ANXA13: variants seen among roughly 807,000 people sequenced by gnomAD.
The protein encoded by ANXA13 is annexin A13.
Under a neutral mutation model 46.6 loss-of-function variants are expected in ANXA13, and 36 were observed. The observed-to-expected ratio is 0.77, with a 90% CI of 0.59 to 1.02. ANXA13 has a LOEUF of 1.02. ANXA13 is among the 50% of genes least tolerant of loss of function. The pLI, the probability that ANXA13 is intolerant of heterozygous loss-of-function variation, is 0.00. For synonymous variants in ANXA13, 163 were observed against 152.9 expected (o/e 1.07, Z -0.49); for missense variants, 417 against 396.5 (o/e 1.05, Z -0.44).
chr8:123,704,125 C>G (rs1314879289), intron 2 of ANXA13, among the ~76,000 whole-genome samples: 1 of 152,084 alleles, frequency 6.6e-6, no homozygotes, highest in African/African-American at 2.4e-5. Flanking sequence ...CGTGGGAAAC[C>G]CGGGACACCA....
chr8:123,730,533 C>G (rs1298605118), intron 1 of ANXA13, among the ~76,000 whole-genome samples: 3 of 152,136 alleles, frequency 2.0e-5, no homozygotes, highest in African/African-American at 7.2e-5. Flanking sequence ...GTATCACCCC[C>G]ACCCCCTCAC....
At chr8:123,703,708 T>A (rs1041471920) in intron 2 of ANXA13, among the ~76,000 whole-genome samples, 2 of 152,174 alleles carry the variant, frequency 1.3e-5, no homozygotes, top group African/African-American at 2.4e-5. Flanking sequence ...TAACTCCTAT[T>A]ACCTTTAGAT....
chr8:123,707,220 G>A (rs1813555470), intron 2 of ANXA13, among the ~76,000 whole-genome samples: 1 of 152,204 alleles, frequency 6.6e-6, no homozygotes, highest in Admixed American at 6.5e-5. Flanking sequence ...ATGGATGAAT[G>A]AGGAAGTTTG....
chr8:123,707,671 A>C (rs1249584521), intron 2 of ANXA13, among the ~76,000 whole-genome samples: 1 of 152,116 alleles, frequency 6.6e-6, no homozygotes, highest in Non-Finnish European at 1.5e-5. Flanking sequence ...CAGGGAGGGG[A>C]ACATCATACA....
At chr8:123,715,947 T>C (rs1009818499) in intron 1 of ANXA13, among the ~76,000 whole-genome samples, 1 of 152,202 alleles carries the variant, frequency 6.6e-6, no homozygotes, top group Non-Finnish European at 1.5e-5. Context: ...GCTCTCAACA[T>C]GCCCAAGACC....
At chr8:123,720,396 A>C (rs1221829614) in intron 1 of ANXA13, among the ~76,000 whole-genome samples, 1 of 152,210 alleles carries the variant, frequency 6.6e-6, no homozygotes, top group Non-Finnish European at 1.5e-5. Context: ...TCCTCGGTTT[A>C]GGCTGTTACC....
intron 8 of ANXA13, among the ~76,000 whole-genome samples, chr8:123,691,845 A>G (rs1483613826): frequency 6.6e-6 from 1 of 152,180 alleles, no homozygotes; most frequent in African/African-American, 2.4e-5. Context: ...ACTTTGAGAT[A>G]TTAGCCTGGA....
chr8:123,695,166 C>G (rs1258279754), intron 6 of ANXA13, among the ~76,000 whole-genome samples: 1 of 152,078 alleles, frequency 6.6e-6, no homozygotes, highest in Non-Finnish European at 1.5e-5. Flanking sequence ...TGGGCTGTCT[C>G]TTACTGGCTG....
At chr8:123,736,935 G>A (rs1315231157) in intron 1 of ANXA13, among the ~76,000 whole-genome samples, 3 of 138,856 alleles carry the variant, frequency 2.2e-5, no homozygotes, top group East Asian at 2.3e-4. Context: ...TGCAACCTCC[G>A]CCTCCCAGGT....
At chr8:123,726,078 A>G (rs1344136778) in intron 1 of ANXA13, among the ~76,000 whole-genome samples, 1 of 152,196 alleles carries the variant, frequency 6.6e-6, no homozygotes, top group African/African-American at 2.4e-5. Context: ...AACTAGAAAA[A>G]CATCCATTTG....
At chr8:123,726,209 T>A (rs970820) in intron 1 of ANXA13, among the ~76,000 whole-genome samples, 43,241 of 152,194 alleles carry the variant, frequency 0.28, 7,348 homozygotes, top group South Asian at 0.47. Context: ...ATGTTGGCAT[T>A]TCAGCACCTT....
intron 1 of ANXA13, among the ~76,000 whole-genome samples, chr8:123,731,845 A>G (rs1483432619): frequency 6.6e-6 from 1 of 152,202 alleles, no homozygotes; most frequent in Non-Finnish European, 1.5e-5. Flanking sequence ...ACTGCACTCC[A>G]GCCTTTGCCA....
chr8:123,689,384 G>T (rs1813193268), intron 8 of ANXA13, among the ~76,000 whole-genome samples: 1 of 151,658 alleles, frequency 6.6e-6, no homozygotes, highest in South Asian at 2.1e-4. Context: ...CTGTGGTTAT[G>T]ATCATCTGAC....
intron 10 of ANXA13, among the ~76,000 whole-genome samples, chr8:123,684,128 G>T (rs1007676674): frequency 3.9e-5 from 6 of 152,188 alleles, no homozygotes; most frequent in Non-Finnish European, 7.3e-5. Context: ...GTCTAAAAAG[G>T]TTCCTTAGAA....
At chr8:123,717,028 T>C (rs1266544519) in intron 1 of ANXA13, among the ~76,000 whole-genome samples, 1 of 152,230 alleles carries the variant, frequency 6.6e-6, no homozygotes, top group Non-Finnish European at 1.5e-5. Context: ...TGTTTTGTTT[T>C]CTTTCAATTT....
At chr8:123,687,680 A>AT (rs1320723099) in intron 9 of ANXA13, among the ~76,000 whole-genome samples, 3 of 152,188 alleles carry the variant, frequency 2.0e-5, no homozygotes, top group African/African-American at 7.2e-5. Context: ...ACTGGAGCAC[A>AT]TTTTTTAACT....
At position 123,695,564 on chromosome 8, in the gene ANXA13, C is replaced by G. The variant is rs774864225; in HGVS notation, c.409G>C (p.Glu137Gln). The G allele has an allele frequency of 1.9e-6, 3 of 1,613,922 alleles. No homozygotes were observed. The South Asian group carries it at 3.3e-5, about 18-fold the overall frequency. Residue 137 changes from glutamate to glutamine, a missense_variant, in exon 6 of 11, where the codon GAA (glutamate) becomes CAA (glutamine). By Grantham distance (29) the Glu-to-Gln change is conservative. Transcript: ENST00000419625. ...CTTGTATCACCTTTGACATCTGATT[C>G]GAGGCTCCTATCAAATACTTCGAAG... ...AYQRLFDRSL[E>Q]SDVKGDTSGN...
At chr8:123,737,169 T>C (rs1048016096) in intron 1 of ANXA13, 151 bp downstream of exon 1, 1 of 760,938 alleles carries the variant, frequency 1.3e-6, no homozygotes, top group Admixed American at 2.8e-5. Context: ...CCTCAATGCA[T>C]TTTAAAAGCA....
intron 10 of ANXA13, among the ~76,000 whole-genome samples, chr8:123,682,158 A>G (rs1586308048): frequency 6.6e-6 from 1 of 152,312 alleles, no homozygotes; most frequent in Non-Finnish European, 1.5e-5. Flanking sequence ...CCCTCATACC[A>G]TGATTAGCAA....
Sources: allele counts gnomAD v4.1 joint callset (sites outside exome capture counted in the v4.1 genomes callset), GRCh38; gene constraint gnomAD v4.1.1; transcripts MANE v1.5; gene names NCBI Gene and HGNC (gene_info 2026-07-23, HGNC 2026-07-21).